HDGFL3: variants seen among roughly 807,000 people sequenced by gnomAD.
HDGFL3 encodes HDGF like 3.
HDGFL3 carries 6 observed loss-of-function variants against 27.6 expected under a neutral mutation model. The observed-to-expected ratio is 0.22, with a 90% CI of 0.12 to 0.43. The LOEUF (loss-of-function observed/expected upper bound fraction) is 0.43. HDGFL3 is among the 20% of genes least tolerant of loss of function. The pLI is 1.00. For synonymous variants in HDGFL3, 88 were observed against 88.9 expected (o/e 0.99, Z 0.05); for missense variants, 207 against 250.1 (o/e 0.83, Z 1.16).
Position 83,131,069 on chromosome 15 carries a change from G to A in HDGFL3, c.*8201C>T, listed in dbSNP as rs2036197833. On this transcript the variant is annotated 3_prime_UTR_variant, in exon 6 of 6. Transcript: ENST00000299633. ...TGTGTCACTGCACTCTCCAGCCCAG[G>A]TGACAGAGAGAGACCCTGTCTCTCC... The A allele has an allele frequency of 1.3e-5, 2 of 152,072 alleles. No individual in the cohort carries two copies. Among genetic ancestry groups the A allele is most frequent in the African/African-American group, 4.8e-5 (2 of 41,420 alleles). The allele number at this position is 152,072 out of a possible 1,614,324, so 9.4% of individuals were successfully genotyped here. A position where few individuals can be genotyped will look rare whatever the true frequency, so the allele number is the denominator to read the frequency against.
intron 5 of HDGFL3, among the ~76,000 whole-genome samples, chr15:83,143,133 T>G (rs1377371209): frequency 6.6e-6 from 1 of 151,970 alleles, no homozygotes; most frequent in East Asian, 2.0e-4. Flanking sequence ...CTGCCTCAGC[T>G]TCCTGAGTAG....
intron 1 of HDGFL3, among the ~76,000 whole-genome samples, chr15:83,187,200 TTGAG>T (rs1488107477): frequency 6.6e-6 from 1 of 152,106 alleles, no homozygotes; most frequent in Non-Finnish European, 1.5e-5. Context: ...TGTTTGTTAA[TTGAG>T]TAAGTGGAGG....
chr15:83,174,269 C>T (rs1301566851), intron 1 of HDGFL3, among the ~76,000 whole-genome samples: 1 of 152,060 alleles, frequency 6.6e-6, no homozygotes, highest in Admixed American at 6.6e-5. Flanking sequence ...AGTATTTTCT[C>T]GAGCCCCACA....
chr15:83,141,046 A>T (rs1029212509), intron 5 of HDGFL3, among the ~76,000 whole-genome samples: 1 of 152,174 alleles, frequency 6.6e-6, no homozygotes, highest in Non-Finnish European at 1.5e-5. Context: ...TGTAAAAGCA[A>T]ATTACAAAAT....
rs1022491214 is a variant in HDGFL3 at position 83,135,636 on chromosome 15, G to A, written c.*3634C>T. 1 of 150,768 alleles carries A rather than the reference G, an allele frequency of 6.6e-6. No individual in the cohort carries two copies. The highest frequency in any genetic ancestry group is 1.5e-5 in the Non-Finnish European group (1 of 68,000). 9.3% of individuals were successfully genotyped at this position (150,768 alleles called of 1,614,324 possible). A position where few individuals can be genotyped will look rare whatever the true frequency, so the allele number is the denominator to read the frequency against. The stretch of plus-strand genomic sequence containing the variant: ...CAATACGGTTTTCCTCTGTGCTTGC[G>A]AAAAATATCAAAAAAGACCAATTGG... On this transcript the variant is annotated 3_prime_UTR_variant, in exon 6 of 6. Transcript: ENST00000299633.
At chr15:83,201,258 A>G (rs1183655959) in intron 1 of HDGFL3, among the ~76,000 whole-genome samples, 2 of 152,158 alleles carry the variant, frequency 1.3e-5, no homozygotes, top group Non-Finnish European at 2.9e-5. Flanking sequence ...TGAGAAAAAT[A>G]AAGACATACA....
At position 83,207,255 on chromosome 15, in the gene HDGFL3, G is replaced by C; in HGVS notation, c.84+76C>G. 1 of 1,056,792 alleles carries C rather than the reference G, an allele frequency of 9.5e-7. No homozygotes were observed. Among genetic ancestry groups the C allele is most frequent in the Non-Finnish European group, 1.2e-6 (1 of 802,770 alleles). The allele number at this position is 1,056,792 out of a possible 1,614,324, so 65.5% of individuals were successfully genotyped here. Reference sequence around the variant, plus strand: ...CTGCGGGCTCGGGGCTGAGGCGATGGGGAAAGGGGGCGGGCGCGCCATCAT... The same window carrying C: ...CTGCGGGCTCGGGGCTGAGGCGATGCGGAAAGGGGGCGGGCGCGCCATCAT... On this transcript the variant is annotated intron_variant, in intron 1 of 5. Coordinates refer to ENST00000299633, the MANE Select transcript of HDGFL3 (RefSeq NM_016073.4). The surrounding 1 kb of genome is among the most constrained non-coding windows in gnomAD (Gnocchi z 4.8).
chr15:83,153,440 A>G (rs557701419), intron 4 of HDGFL3, among the ~76,000 whole-genome samples: 1 of 152,354 alleles, frequency 6.6e-6, no homozygotes, highest in African/African-American at 2.4e-5. Flanking sequence ...TGGGATATAC[A>G]GAATAGAATT....
chr15:83,162,936 C>G (rs1229048934), intron 2 of HDGFL3, among the ~76,000 whole-genome samples: 1 of 152,202 alleles, frequency 6.6e-6, no homozygotes, highest in Non-Finnish European at 1.5e-5. Flanking sequence ...AGATTGCCAA[C>G]TATTCCACAG....
intron 3 of HDGFL3, chr15:83,119,712 C>CA: frequency 6.2e-7 from 1 of 1,612,932 alleles, no homozygotes; most frequent in Non-Finnish European, 8.5e-7. Flanking sequence ...TGTGCCTTTG[C>CA]CACCTTAGCA....
At chr15:83,118,286 G>C (rs2034888525) in intron 3 of HDGFL3, among the ~76,000 whole-genome samples, 1 of 152,030 alleles carries the variant, frequency 6.6e-6, no homozygotes, top group Non-Finnish European at 1.5e-5. Context: ...GCAAGAGAGA[G>C]AGAGGCAAGA....
At chr15:83,120,976 G>C (rs2035183914) in intron 3 of HDGFL3, among the ~76,000 whole-genome samples, 1 of 152,060 alleles carries the variant, frequency 6.6e-6, no homozygotes, top group African/African-American at 2.4e-5. Context: ...GACGCACACA[G>C]TATTCTCGTT....
intron 1 of HDGFL3, among the ~76,000 whole-genome samples, chr15:83,205,353 G>C (rs1648229712): frequency 6.6e-6 from 1 of 152,124 alleles, no homozygotes; most frequent in Non-Finnish European, 1.5e-5. Context: ...TGTTTCTTGA[G>C]GAGCTCGTTA....
rs183920748 is a variant in HDGFL3 at position 83,120,862 on chromosome 15, G to A, written c.394-5121C>T. Among the ~76,000 whole-genome samples the A allele has an allele frequency of 1.0e-4, 15 of 150,438 alleles. 1 individual carries two copies. The South Asian group carries it at 1.1e-3, about 11-fold the overall frequency. On this transcript the variant is annotated intron_variant, in intron 3 of 3. Transcript: ENST00000568294. ...ATTACAGGCGTGAACCACCGTGCCC[G>A]GCTCCAGCTCATTCTTATCTGTTCT...
In HDGFL3 at chr15:83,131,173, T is replaced by C. The variant is rs2036216123; in HGVS notation, c.*8097A>G. The C allele has an allele frequency of 6.6e-6, 1 of 152,132 alleles. No individual in the cohort carries two copies. Among genetic ancestry groups the C allele is most frequent in the African/African-American group, 2.4e-5 (1 of 41,428 alleles). The allele number at this position is 152,132 out of a possible 1,614,324, so 9.4% of individuals were successfully genotyped here. ...AATCAGCATCTTTGCTTGCTAAAAT[T>C]GCCATTCTTATTTAGAAACCTTATG... On this transcript the variant is annotated 3_prime_UTR_variant, in exon 6 of 6. Transcript: ENST00000299633.
At chr15:83,122,391 ATAGG>A (rs1240414463) in intron 3 of HDGFL3, among the ~76,000 whole-genome samples, 3 of 151,960 alleles carry the variant, frequency 2.0e-5, no homozygotes, top group Non-Finnish European at 2.9e-5. Flanking sequence ...ATCAGGATAT[ATAGG>A]TAGATAGATA....
At chr15:83,113,657 G>A (rs2034396649) in exon 4 of HDGFL3, 1 of 152,570 alleles carries the variant, frequency 6.6e-6, no homozygotes, top group Non-Finnish European at 1.5e-5. Context: ...ACAGGTCTGT[G>A]GGTTGGGGCC....
intron 5 of HDGFL3, among the ~76,000 whole-genome samples, chr15:83,146,853 T>C (rs1396881480): frequency 6.6e-6 from 1 of 152,198 alleles, no homozygotes; most frequent in Non-Finnish European, 1.5e-5. Context: ...CCTTTTTCTC[T>C]CTCTTGAATC....
chr15:83,190,838 C>G (rs1348222788), intron 1 of HDGFL3, among the ~76,000 whole-genome samples: 1 of 152,142 alleles, frequency 6.6e-6, no homozygotes, highest in Non-Finnish European at 1.5e-5. Context: ...GAAATTCTTC[C>G]TTACTCCAGG....
Sources: allele counts gnomAD v4.1 joint callset (sites outside exome capture counted in the v4.1 genomes callset), GRCh38; gene constraint gnomAD v4.1.1; non-coding constraint Gnocchi (gnomAD v3.1); transcripts MANE v1.5; gene names NCBI Gene and HGNC (gene_info 2026-07-23, HGNC 2026-07-21).